The following GRID2IP variants were observed in gnomAD, a reference collection of about 807,000 sequenced individuals.
GRID2IP encodes the protein delphilin.
In GRID2IP, 78 loss-of-function variants were observed where a neutral mutation model predicts 114.3. The observed-to-expected ratio is 0.68, with a 90% CI of 0.57 to 0.82. GRID2IP has a LOEUF of 0.82. Among genes scored for constraint, GRID2IP ranks in the 40% least tolerant of loss-of-function variants. GRID2IP has a pLI of 0.00. For synonymous variants in GRID2IP, 809 were observed against 724.0 expected (o/e 1.12, Z -1.89); for missense variants, 1,727 against 1,678.5 (o/e 1.03, Z -0.51).
chr7:6,547,712 G>T (rs1016593149), intron 1 of GRID2IP, among the ~76,000 whole-genome samples: 1 of 152,180 alleles, frequency 6.6e-6, no homozygotes, highest in African/African-American at 2.4e-5. Flanking sequence ...GGCCACAGAG[G>T]CTGGTCTACT....
Position 6,520,622 on chromosome 7 carries a change from C to T in GRID2IP, c.1224G>A (p.Glu408=). The T allele has an allele frequency of 1.3e-6, 2 of 1,551,706 alleles. No individual in the cohort carries two copies. The highest frequency in any genetic ancestry group is 1.7e-6 in the Non-Finnish European group (2 of 1,146,992). ...CGAGGGCCCGGCAGACCCCATAGCG[C>T]TCAGGAGGTGTGAGTAGGTGCTCCA... ...QQLEHLLTPP[E]RYGVCRALES... The change falls in exon 7 of 22, where the codon GAG becomes GAA. Residue 408 remains glutamate (E), a synonymous_variant. Transcript: ENST00000457091. This position sits in a 1 kb window ranked among gnomAD's most constrained non-coding sequence, Gnocchi z 4.6.
intron 1 of GRID2IP, 42 bp downstream of exon 1, chr7:6,550,966 G>T: frequency 8.5e-7 from 1 of 1,174,704 alleles, no homozygotes. Context: ...CACATTATGA[G>T]CCCCCTCCTT....
chr7:6,533,051 C>T (rs867619658), intron 2 of GRID2IP, among the ~76,000 whole-genome samples: 7 of 152,180 alleles, frequency 4.6e-5, no homozygotes, highest in Admixed American at 6.6e-5. Flanking sequence ...CTCAACCAGT[C>T]GTGATTTTTG....
chr7:6,530,857 C>G (rs567170815), intron 2 of GRID2IP, among the ~76,000 whole-genome samples: 1 of 152,376 alleles, frequency 6.6e-6, no homozygotes, highest in South Asian at 2.1e-4. Context: ...TTCTGAGCGC[C>G]CAACGCTTAG....
intron 2 of GRID2IP, among the ~76,000 whole-genome samples, chr7:6,535,281 C>T (rs1214683620): frequency 1.3e-5 from 2 of 152,238 alleles, no homozygotes; most frequent in African/African-American, 4.8e-5. Context: ...CCACCCGCCT[C>T]GGCCTCCTAA....
Position 6,503,701 on chromosome 7 carries a change from G to A in GRID2IP, c.2711-14C>T. 1 of 1,463,986 alleles carries A rather than the reference G, an allele frequency of 6.8e-7. No homozygotes were observed. Among genetic ancestry groups the A allele is most frequent in the Non-Finnish European group, 9.0e-7 (1 of 1,113,878 alleles). 90.7% of individuals were successfully genotyped at this position (1,463,986 alleles called of 1,614,324 possible). A position where few individuals can be genotyped will look rare whatever the true frequency, so the allele number is the denominator to read the frequency against. On this transcript the variant is annotated splice_polypyrimidine_tract_variant and intron_variant, in intron 15 of 21. Transcript: ENST00000457091. ...CCAAGAGGATGGCTGCGGGCGGGGC[G>A]GGGCGGTGAGCTGGGCGGGGCCGGA...
chr7:6,511,188 T>C (rs180916478), intron 8 of GRID2IP, 149 bp from the exon 9 acceptor site: 7 of 1,101,792 alleles, frequency 6.4e-6, no homozygotes, highest in Non-Finnish European at 8.1e-6. Context: ...AGAACAGCTC[T>C]TGAGGGGAAG....
chr7:6,550,818 ACT>A (rs1178252284), intron 1 of GRID2IP, among the ~76,000 whole-genome samples, 188 bp downstream of exon 1: 2 of 150,886 alleles, frequency 1.3e-5, no homozygotes, highest in Admixed American at 6.6e-5. Context: ...ACAGAGCGAG[ACT>A]CTGTCTCAAA....
chr7:6,525,765 G>A (rs1779498167), intron 4 of GRID2IP, among the ~76,000 whole-genome samples: 1 of 152,172 alleles, frequency 6.6e-6, no homozygotes, highest in East Asian at 1.9e-4. Context: ...AGGCCCTTTT[G>A]GCTGTCTGAG....
rs551594851 is a variant in GRID2IP at position 6,547,709 on chromosome 7, G to A, written c.429+3299C>T. Among the ~76,000 whole-genome samples the A allele has an allele frequency of 4.6e-5, 7 of 152,298 alleles. No individual in the cohort carries two copies. In the East Asian group the frequency reaches 1.4e-3, roughly 29 times the overall value. ...ATGCGAGTGTGTGTATCTGGCCACA[G>A]AGGCTGGTCTACTCAGGGTCAGAAA... On this transcript the variant is annotated intron_variant, in intron 1 of 21. Coordinates refer to ENST00000457091, the MANE Select transcript of GRID2IP (RefSeq NM_001145118.2).
In GRID2IP at chr7:6,501,642, G is replaced by A. The variant is rs1583331257; in HGVS notation, c.3399+139C>T. ...CAACCCAGGATAGAGCCTCTTCCAG[G>A]ACCCCTGGGTGCACAGCAACCTGTG... is the stretch of plus-strand genomic sequence containing the variant. On this transcript the variant is annotated intron_variant, in intron 20 of 21. Transcript: ENST00000457091. The A allele has an allele frequency of 6.2e-5, 42 of 681,318 alleles. No individual in the cohort carries two copies. In the East Asian group the frequency reaches 1.1e-3, roughly 18 times the overall value. The allele number at this position is 681,318 out of a possible 1,614,324, so 42.2% of individuals were successfully genotyped here.
At chr7:6,498,882 G>C (rs1355159903) in intron 20 of GRID2IP, among the ~76,000 whole-genome samples, 2 of 152,162 alleles carry the variant, frequency 1.3e-5, no homozygotes, top group Admixed American at 6.5e-5. Context: ...ACTGCACCTG[G>C]CCTTAGGCCT....
Position 6,510,356 on chromosome 7 carries a change from G to A in GRID2IP, c.1698C>T (p.Ser566=). The A allele has an allele frequency of 6.5e-7, 1 of 1,547,492 alleles. No individual in the cohort carries two copies. The highest frequency in any genetic ancestry group is 1.2e-5 in the South Asian group (1 of 83,014). The change falls in exon 11 of 22, where the codon AGC becomes AGT. Residue 566 remains serine (S), a synonymous_variant. Coordinates refer to ENST00000457091, the MANE Select transcript of GRID2IP (RefSeq NM_001145118.2). ...YAELESRLNS[S]FKGKMGTVSK... The stretch of plus-strand genomic sequence containing the variant: ...ACACGGTCCCCATCTTCCCTTTGAA[G>A]CTGCTGTTCAGTCGAGACTCAAGCT...
intron 8 of GRID2IP, 68 bp downstream of exon 8, chr7:6,514,305 GTC>G: frequency 7.7e-7 from 1 of 1,297,938 alleles, no homozygotes; most frequent in African/African-American, 1.5e-5. Flanking sequence ...ACAGGTGTCT[GTC>G]TGTTCACCTG....
In GRID2IP at chr7:6,514,384, C is replaced by G; in HGVS notation, c.1414G>C (p.Ala472Pro). 6.6e-7 allele frequency: 1 copy of G among 1,520,990 alleles called. No homozygotes were observed. The highest frequency in any genetic ancestry group is 8.9e-7 in the Non-Finnish European group (1 of 1,128,278). The allele number at this position is 1,520,990 out of a possible 1,614,324, so 94.2% of individuals were successfully genotyped here. A position where few individuals can be genotyped will look rare whatever the true frequency, so the allele number is the denominator to read the frequency against. Residue 472 changes from alanine to proline, a missense_variant, in exon 8 of 22, where the codon GCC becomes CCC. By Grantham distance (27) the Ala-to-Pro change is conservative (BLOSUM62 -1). Transcript: ENST00000457091. ...EKIACFLGYT[A>P]MTAEPEPELD... ...GGGAGAGGACGCTTACCTGTCATGGCCGTGTAGCCCAGGAAGCATGCGATT... is the reference window on the plus strand; with the variant it reads ...GGGAGAGGACGCTTACCTGTCATGGGCGTGTAGCCCAGGAAGCATGCGATT...
chr7:6,514,785 C>G (rs1779260673), intron 7 of GRID2IP, among the ~76,000 whole-genome samples: 1 of 151,856 alleles, frequency 6.6e-6, no homozygotes, highest in South Asian at 2.1e-4. Context: ...AAGGCCGTCT[C>G]TACTGAAAGT....
At position 6,503,691 on chromosome 7, in the gene GRID2IP, C is replaced by A. The variant is rs753873107; in HGVS notation, c.2711-4G>T. 2.9e-5 allele frequency: 33 copies of A among 1,122,762 alleles called. No individual in the cohort carries two copies. The highest frequency in any genetic ancestry group is 3.5e-5 in the Non-Finnish European group (30 of 868,972). The allele number at this position is 1,122,762 out of a possible 1,614,324, so 69.5% of individuals were successfully genotyped here. On this transcript the variant is annotated splice_region_variant and splice_polypyrimidine_tract_variant and intron_variant, in intron 15 of 21. Coordinates refer to ENST00000457091, the MANE Select transcript of GRID2IP (RefSeq NM_001145118.2). ...TTCAGGTGTGCCAAGAGGATGGCTG[C>A]GGGCGGGGCGGGGCGGTGAGCTGGG... is the stretch of plus-strand genomic sequence containing the variant.
intron 4 of GRID2IP, among the ~76,000 whole-genome samples, chr7:6,524,988 C>G (rs1779482517): frequency 6.6e-6 from 1 of 151,792 alleles, no homozygotes; most frequent in Non-Finnish European, 1.5e-5. Context: ...AAAATGCTGC[C>G]CCGGCCAACC....
Position 6,497,716 on chromosome 7 carries a change from C to T in GRID2IP, c.*58G>A. On this transcript the variant is annotated 3_prime_UTR_variant, in exon 22 of 22. Coordinates refer to ENST00000457091, the MANE Select transcript of GRID2IP (RefSeq NM_001145118.2). ...GCCCCGGACCTCGGCAGTGTCTGGG[C>T]TGCCCTCTCGGCCTCCATCTCCCTG... The T allele has an allele frequency of 2.3e-6, 3 of 1,329,666 alleles. No individual in the cohort carries two copies. The highest frequency in any genetic ancestry group is 3.1e-6 in the Non-Finnish European group (3 of 957,422). The allele number at this position is 1,329,666 out of a possible 1,614,324, so 82.4% of individuals were successfully genotyped here. A position where few individuals can be genotyped will look rare whatever the true frequency, so the allele number is the denominator to read the frequency against.
Sources: allele counts gnomAD v4.1 joint callset (sites outside exome capture counted in the v4.1 genomes callset), GRCh38; gene constraint gnomAD v4.1.1; non-coding constraint Gnocchi (gnomAD v3.1); transcripts MANE v1.5; gene names NCBI Gene and HGNC (gene_info 2026-07-23, HGNC 2026-07-21).